The following SLC25A13 variants were observed in gnomAD, a reference collection of about 807,000 sequenced individuals.
The protein encoded by SLC25A13 is solute carrier family 25 member 13.
SLC25A13 carries 70 observed loss-of-function variants against 85.5 expected under a neutral mutation model. The observed-to-expected ratio is 0.82, with a 90% CI of 0.68 to 1.00. The LOEUF (loss-of-function observed/expected upper bound fraction) is 1.00, where lower values mean the gene tolerates loss of function less well. Ranked by LOEUF, SLC25A13 falls within the 50% of genes least tolerant of loss-of-function variation. SLC25A13 has a pLI of 0.00. For synonymous variants in SLC25A13, 259 were observed against 288.7 expected, an observed-to-expected ratio of 0.90 and a Z score of 1.04; for missense variants, 765 against 819.8, an observed-to-expected ratio of 0.93 and a Z score of 0.82.
At chr7:96,230,331 G>A (rs1296477621) in intron 4 of SLC25A13, among the ~76,000 whole-genome samples, 1 of 152,216 alleles carries the variant, frequency 6.6e-6, no homozygotes, top group African/African-American at 2.4e-5. Flanking sequence ...GGGGAACAGT[G>A]ACTGGGATGA....
intron 15 of SLC25A13, among the ~76,000 whole-genome samples, chr7:96,123,010 AACAG>A (rs1389820050): frequency 3.9e-5 from 6 of 152,158 alleles, no homozygotes; most frequent in Non-Finnish European, 8.8e-5. Flanking sequence ...TCATCCTTCT[AACAG>A]ACAGCTTTAA....
At chr7:96,267,706 G>C (rs1584537310) in intron 3 of SLC25A13, among the ~76,000 whole-genome samples, 1 of 151,896 alleles carries the variant, frequency 6.6e-6, no homozygotes, top group African/African-American at 2.4e-5. Flanking sequence ...CGCAGCTACT[G>C]GGGAGGCTGA....
intron 14 of SLC25A13, among the ~76,000 whole-genome samples, chr7:96,144,008 T>C (rs1230460264): frequency 6.6e-6 from 1 of 152,208 alleles, no homozygotes; most frequent in Non-Finnish European, 1.5e-5. Context: ...CCCCTAGTCA[T>C]TTGCATTTTT....
chr7:96,129,187 G>A (rs1359003518), intron 15 of SLC25A13, among the ~76,000 whole-genome samples: 1 of 152,158 alleles, frequency 6.6e-6, no homozygotes, highest in Admixed American at 6.5e-5. Context: ...GGCACCCAGT[G>A]AGCTGCTTCT....
chr7:96,252,108 G>T (rs1198146638), intron 3 of SLC25A13, among the ~76,000 whole-genome samples: 1 of 152,136 alleles, frequency 6.6e-6, no homozygotes, highest in African/African-American at 2.4e-5. Context: ...TTTATTTGGG[G>T]ACTTGAGTCC....
chr7:96,130,281 ACTT>A (rs1218038079), intron 15 of SLC25A13, among the ~76,000 whole-genome samples: 1 of 152,202 alleles, frequency 6.6e-6, no homozygotes, highest in Admixed American at 6.5e-5. Context: ...GAGCTCTACT[ACTT>A]AACTTCTAAT....
At chr7:96,208,505 C>CT (rs34151128) in intron 5 of SLC25A13, among the ~76,000 whole-genome samples, 1,856 of 139,720 alleles carry the variant, frequency 0.013, 32 homozygotes, top group African/African-American at 0.039. Context: ...ACCCTTTTAA[C>CT]TTTTTTTTTT....
intron 4 of SLC25A13, among the ~76,000 whole-genome samples, chr7:96,223,211 G>A (rs1397690302): frequency 6.6e-6 from 1 of 152,114 alleles, no homozygotes; most frequent in African/African-American, 2.4e-5. Flanking sequence ...AAAAACTGCA[G>A]AACATAAACA....
In SLC25A13 at chr7:96,131,863, G is replaced by A; in HGVS notation, c.1471C>T (p.Leu491=). The A allele has an allele frequency of 6.2e-7, 1 of 1,613,936 alleles. No individual in the cohort carries two copies. Among genetic ancestry groups the A allele is most frequent in the Non-Finnish European group, 8.5e-7 (1 of 1,179,918 alleles). ...GIYKGAKACF[L]RDIPFSAIYF... is the part of the protein sequence containing the mutation. ...ATGGCCGAGAAAGGAATGTCCCGCA[G>A]AAAGCATGCTTTGGCACCCTGCACA... Residue 491 remains leucine, a synonymous_variant, in exon 15 of 18, where the codon CTG becomes TTG. Coordinates refer to ENST00000265631, the MANE Select transcript of SLC25A13 (RefSeq NM_014251.3).
intron 4 of SLC25A13, among the ~76,000 whole-genome samples, chr7:96,217,018 T>A (rs1295171793): frequency 6.6e-6 from 1 of 151,996 alleles, no homozygotes; most frequent in African/African-American, 2.4e-5. Context: ...CACACAGAAC[T>A]CTCACAATAC....
chr7:96,141,979 C>A (rs1792583656), intron 14 of SLC25A13, among the ~76,000 whole-genome samples: 1 of 152,146 alleles, frequency 6.6e-6, no homozygotes, highest in Non-Finnish European at 1.5e-5. Context: ...AAACTAGAAA[C>A]ATATTCATCA....
At chr7:96,302,195 C>T (rs902542233) in intron 1 of SLC25A13, among the ~76,000 whole-genome samples, 2 of 152,118 alleles carry the variant, frequency 1.3e-5, no homozygotes, top group Admixed American at 1.3e-4. Context: ...AACAATAACA[C>T]AATTTCAAGA....
chr7:96,212,551 A>G (rs61198534), intron 4 of SLC25A13, among the ~76,000 whole-genome samples: 3,489 of 152,308 alleles, frequency 0.023, 125 homozygotes, highest in African/African-American at 0.079. Context: ...AAAGGTGTCA[A>G]GGATTTACTA....
At chr7:96,217,375 C>A (rs148131233) in intron 4 of SLC25A13, among the ~76,000 whole-genome samples, 215 of 152,328 alleles carry the variant, frequency 1.4e-3, no homozygotes, top group African/African-American at 4.9e-3. Context: ...AGCAATTCCA[C>A]TCTCAGGTAT....
intron 1 of SLC25A13, among the ~76,000 whole-genome samples, chr7:96,301,873 C>T (rs1368895212): frequency 6.6e-6 from 1 of 152,168 alleles, no homozygotes; most frequent in Non-Finnish European, 1.5e-5. Flanking sequence ...AGTGATCCTT[C>T]CATCTTGGCC....
chr7:96,270,755 AC>A (rs1798211588), intron 3 of SLC25A13, among the ~76,000 whole-genome samples: 1 of 152,158 alleles, frequency 6.6e-6, no homozygotes, highest in African/African-American at 2.4e-5. Flanking sequence ...TCCCATAATA[AC>A]ACAACAAAAT....
chr7:96,166,467 T>C (rs991821771), intron 13 of SLC25A13, among the ~76,000 whole-genome samples: 6 of 152,182 alleles, frequency 3.9e-5, no homozygotes, highest in Non-Finnish European at 7.4e-5. Flanking sequence ...TCATCATATT[T>C]ATATTTCTTC....
At chr7:96,287,605 T>C (rs1007924043) in intron 2 of SLC25A13, among the ~76,000 whole-genome samples, 9 of 152,178 alleles carry the variant, frequency 5.9e-5, no homozygotes, top group African/African-American at 2.2e-4. Flanking sequence ...AGATACATCG[T>C]TCCAAACTAA....
intron 2 of SLC25A13, among the ~76,000 whole-genome samples, chr7:96,296,311 G>A (rs989490410): frequency 1.3e-5 from 2 of 152,006 alleles, no homozygotes; most frequent in Non-Finnish European, 2.9e-5. Flanking sequence ...TCCTGGAAAG[G>A]TAAATGGGTT....
Sources: gnomAD v4.1 joint callset for allele counts (sites outside exome capture counted in the v4.1 genomes callset) on GRCh38, gnomAD v4.1.1 for gene constraint, MANE v1.5 for transcripts, NCBI Gene and HGNC (gene_info 2026-07-23, HGNC 2026-07-21) for gene names.